The following NR2C2 variants were observed in gnomAD, a reference collection of about 807,000 sequenced individuals.
NR2C2 encodes Nuclear hormone receptor TR4.
NR2C2 carries 6 observed loss-of-function variants against 62.9 expected under a neutral mutation model. The ratio of observed to expected loss-of-function variants is 0.10; its 90% confidence interval spans 0.05 to 0.19. The LOEUF is 0.19. NR2C2 is among the 10% of genes least tolerant of loss of function. The probability of loss-of-function intolerance (pLI) is 1.00; values close to 1 mark genes in which losing one functional copy is unlikely to be tolerated. For missense variants in NR2C2, 479 were observed against 762.7 expected (o/e 0.63, Z 4.38); for synonymous variants, 272 against 273.8 (o/e 0.99, Z 0.07).
chr3:15,008,170 T>G (rs549828928), intron 2 of NR2C2, among the ~76,000 whole-genome samples: 2 of 152,202 alleles, frequency 1.3e-5, no homozygotes, highest in South Asian at 2.1e-4. Context: ...ATTTTGATTA[T>G]GGGAAATACT....
chr3:14,976,144 A>C (rs1574950575), intron 1 of NR2C2, among the ~76,000 whole-genome samples: 1 of 152,124 alleles, frequency 6.6e-6, no homozygotes. Flanking sequence ...CGTTTCATCT[A>C]GGTTATCCAG....
At chr3:14,965,297 T>C (rs899827147) in intron 1 of NR2C2, among the ~76,000 whole-genome samples, 2 of 152,230 alleles carry the variant, frequency 1.3e-5, no homozygotes, top group African/African-American at 4.8e-5. Flanking sequence ...GAAACTGCTA[T>C]GTGGATTGCT....
chr3:15,029,564 A>G (rs1296451518), intron 8 of NR2C2, among the ~76,000 whole-genome samples: 2 of 152,190 alleles, frequency 1.3e-5, no homozygotes, highest in Admixed American at 1.3e-4. Flanking sequence ...CACTTACTAT[A>G]TGGATGGTCT....
At chr3:15,040,803 A>G (rs553771463) in intron 13 of NR2C2, among the ~76,000 whole-genome samples, 2 of 152,344 alleles carry the variant, frequency 1.3e-5, no homozygotes, top group South Asian at 4.1e-4. Flanking sequence ...TGGGACTGTC[A>G]GGGAATGCAT....
chr3:15,038,106 A>G lies in NR2C2; in HGVS notation c.1479A>G (p.Ala493=), dbSNP rs900798475. ...TGGATATAGATGGCTATGAGTATGC[A>G]TACCTTAAAGCTATAGTTCTCTTTA... ...AKLDIDGYEY[A]YLKAIVLFSP... The change falls in exon 12 of 14, where the codon GCA becomes GCG. Residue 493 remains alanine (A), a synonymous_variant. Coordinates refer to ENST00000425241, the MANE Select transcript of NR2C2 (RefSeq NM_001291694.2). The G allele has an allele frequency of 3.1e-6, 5 of 1,613,982 alleles. No individual in the cohort carries two copies. The highest frequency in any genetic ancestry group is 2.2e-5 in the East Asian group (1 of 44,896).
At chr3:15,018,001 G>A (rs2041558584) in intron 4 of NR2C2, among the ~76,000 whole-genome samples, 1 of 152,140 alleles carries the variant, frequency 6.6e-6, no homozygotes. Flanking sequence ...ACTGAAGGAG[G>A]GGCCGCTTTT....
At chr3:15,028,775 T>C in intron 8 of NR2C2, 56 bp downstream of exon 8, 2 of 1,577,194 alleles carry the variant, frequency 1.3e-6, no homozygotes, top group Non-Finnish European at 1.7e-6. Flanking sequence ...CTCCCTCTAT[T>C]GTGAGGGTGG....
rs1315287343 is a variant in NR2C2, at chr3:15,048,762, T to C, written c.*5754T>C. On this transcript the variant is annotated 3_prime_UTR_variant, in exon 14 of 14. Transcript: ENST00000425241. ...GTAAACCAGTGTTCAACTAGTTTTA[T>C]AACTGAAAAGCTGCACATTTTTCAC... 1 of 152,686 alleles carries C rather than the reference T, an allele frequency of 6.5e-6. No individual in the cohort carries two copies. The highest frequency in any genetic ancestry group is 1.5e-5 in the Non-Finnish European group (1 of 68,048). The allele number at this position is 152,686 out of a possible 1,614,324, so 9.5% of individuals were successfully genotyped here.
intron 4 of NR2C2, among the ~76,000 whole-genome samples, 172 bp from the exon 5 acceptor site, chr3:15,020,581 C>T (rs1207315257): frequency 1.3e-5 from 2 of 152,170 alleles, no homozygotes; most frequent in Non-Finnish European, 2.9e-5. Context: ...AGAGAAATTA[C>T]GTGAAGGGTG....
In NR2C2 at chr3:15,042,850, G is replaced by C; in HGVS notation, c.1633G>C (p.Val545Leu). ...EDTYRLARIL[V>L]RLPALRLMSS... Reference sequence around the variant, plus strand: ...CTTTTATAGATTGGCCCGGATCCTCGTTCGCCTGCCGGCACTCAGGCTGAT... The same window carrying C: ...CTTTTATAGATTGGCCCGGATCCTCCTTCGCCTGCCGGCACTCAGGCTGAT... The change falls in exon 14 of 14, where the codon GTT becomes CTT. Residue 545 changes from valine to leucine, a missense_variant. Physicochemically the swap from Val to Leu is conservative, Grantham distance 32. This residue lies in a region of NR2C2 where 162 missense variants were observed against 296.8 expected (regional missense o/e 0.55). Transcript: ENST00000425241. 1 of 1,613,954 alleles carries C rather than the reference G, an allele frequency of 6.2e-7. No homozygotes were observed. The highest frequency in any genetic ancestry group is 1.3e-5 in the African/African-American group (1 of 74,994).
At chr3:14,997,083 T>A (rs1236678857) in intron 1 of NR2C2, among the ~76,000 whole-genome samples, 1 of 152,248 alleles carries the variant, frequency 6.6e-6, no homozygotes, top group Non-Finnish European at 1.5e-5. Flanking sequence ...CTGTCAGTGC[T>A]TGAGTGCCTA....
At chr3:15,037,781 G>C (rs1038784156) in intron 11 of NR2C2, among the ~76,000 whole-genome samples, 1 of 152,200 alleles carries the variant, frequency 6.6e-6, no homozygotes, top group African/African-American at 2.4e-5. Context: ...CACTGGTCTA[G>C]GGATTTGTTA....
chr3:15,036,177 G>A (rs919036187), intron 11 of NR2C2, among the ~76,000 whole-genome samples: 5 of 152,134 alleles, frequency 3.3e-5, no homozygotes, highest in Non-Finnish European at 2.9e-5. Flanking sequence ...GTGACAGAGC[G>A]AAACTATTTC....
In NR2C2 at chr3:15,038,012, G is replaced by C. The variant is rs768072815; in HGVS notation, c.1385G>C (p.Gly462Ala). The C allele has an allele frequency of 2.9e-5, 46 of 1,613,116 alleles. No individual in the cohort carries two copies. Among genetic ancestry groups the C allele is most frequent in the Non-Finnish European group, 3.9e-5 (46 of 1,179,706 alleles). The stretch of plus-strand genomic sequence containing the variant: ...TGTTGGTTTCTAGATAAACTTTCTG[G>C]TGACCGGATAAAGCAAGTCATGGAG... ...QNSIQEDKLSGDRIKQVMEHI... is the reference protein window; with the variant it reads ...QNSIQEDKLSADRIKQVMEHI... The change falls in exon 12 of 14, where the codon GGT becomes GCT. Residue 462 changes from glycine (G) to alanine (A), a missense_variant. By Grantham distance (60) the Gly-to-Ala change is moderately conservative. Transcript: ENST00000425241.
At chr3:14,965,522 C>CAAAA (rs545143806) in intron 1 of NR2C2, among the ~76,000 whole-genome samples, 13 of 79,656 alleles carry the variant, frequency 1.6e-4, no homozygotes, top group Admixed American at 2.9e-4. Context: ...TTTCCCATGG[C>CAAAA]AAAAAAAAAA....
At chr3:14,965,666 T>G (rs1031312959) in intron 1 of NR2C2, among the ~76,000 whole-genome samples, 1 of 151,904 alleles carries the variant, frequency 6.6e-6, no homozygotes, top group African/African-American at 2.4e-5. Context: ...TGTTTTTGTT[T>G]TTGTTTTTTT....
At chr3:15,020,982 T>C in intron 5 of NR2C2, 50 bp downstream of exon 5, 1 of 1,525,242 alleles carries the variant, frequency 6.6e-7, no homozygotes. Flanking sequence ...AGGGAGACAG[T>C]AAATGAGTCC....
chr3:15,026,699 A>G (rs1416589992), intron 7 of NR2C2: 2 of 146,424 alleles, frequency 1.4e-5, no homozygotes, highest in Non-Finnish European at 3.0e-5. Context: ...CAAATAATGC[A>G]CCTCTGTTTT....
In NR2C2 at chr3:15,004,126, TAAAG is replaced by T. The variant is rs745823399; in HGVS notation, c.72+144_72+147del. The stretch of plus-strand genomic sequence containing the variant: ...AACTTCATCAATTCTTTAAAAAAAA[TAAAG>T]AAAAAATGCTTACATTTATTTAACC... On this transcript the variant is annotated intron_variant, in intron 2 of 13. Coordinates refer to ENST00000425241, the MANE Select transcript of NR2C2 (RefSeq NM_001291694.2). The T allele has an allele frequency of 5.3e-4, 352 of 668,442 alleles. 1 individual carries two copies. The highest frequency in any genetic ancestry group is 6.9e-4 in the African/African-American group (37 of 53,304). The allele number at this position is 668,442 out of a possible 1,614,324, so 41.4% of individuals were successfully genotyped here.
Sources: gnomAD v4.1 joint callset for allele counts (sites outside exome capture counted in the v4.1 genomes callset) on GRCh38, gnomAD v4.1.1 for gene constraint, gnomAD v4.1.1 regional missense constraint, MANE v1.5 for transcripts, NCBI Gene and HGNC (gene_info 2026-07-23, HGNC 2026-07-21) for gene names.